The following HDAC2 variants were observed in gnomAD, a reference collection of about 807,000 sequenced individuals.
The protein encoded by HDAC2 is YY1-associated factor 1.
HDAC2 carries 5 observed loss-of-function variants against 68.5 expected under a neutral mutation model. That is an observed-to-expected ratio of 0.07 (90% confidence interval 0.04 to 0.15). The LOEUF is 0.15. Ranked by LOEUF, HDAC2 falls within the 10% of genes least tolerant of loss-of-function variation. HDAC2 has a pLI of 1.00. For synonymous variants in HDAC2, 182 were observed against 191.3 expected (o/e 0.95, Z 0.40); for missense variants, 291 against 600.8 (o/e 0.48, Z 5.39).
chr6:113,948,932 A>G, intron 8 of HDAC2, 47 bp downstream of exon 8: 1 of 1,597,928 alleles, frequency 6.3e-7, no homozygotes. Flanking sequence ...TCTTGGGTGG[A>G]AGAAAAACCA....
rs144038528 is a variant in HDAC2 at position 113,940,690 on chromosome 6, T to C, written c.*368A>G. ...TTAGCCACTGAAACAAGACTTCATA[T>C]TGTAGTAATAAACAGACAAAAGATA... On this transcript the variant is annotated 3_prime_UTR_variant, in exon 14 of 14. Transcript: ENST00000519065. 353 of 183,704 alleles carry C rather than the reference T, an allele frequency of 1.9e-3. 1 individual carries two copies. The highest frequency in any genetic ancestry group is 8.1e-3 in the African/African-American group (342 of 42,222). The allele number at this position is 183,704 out of a possible 1,614,324, so 11.4% of individuals were successfully genotyped here.
intron 10 of HDAC2, among the ~76,000 whole-genome samples, chr6:113,945,105 G>A (rs750594147): frequency 6.6e-5 from 10 of 151,386 alleles, no homozygotes; most frequent in Non-Finnish European, 1.3e-4. Flanking sequence ...GCACTTCTGA[G>A]AGGCAGAGGT....
In HDAC2 at chr6:113,943,312, T is replaced by A. The variant is rs1273210867; in HGVS notation, c.1378+39A>T. Reference sequence around the variant, plus strand: ...TTATAATGCAGCCCAATTTTTAAAATTTACAATTAAAACACAATTACCAAG... The same window carrying A: ...TTATAATGCAGCCCAATTTTTAAAAATTACAATTAAAACACAATTACCAAG... On this transcript the variant is annotated intron_variant, in intron 12 of 13. Coordinates refer to ENST00000519065, the MANE Select transcript of HDAC2 (RefSeq NM_001527.4). The A allele has an allele frequency of 1.9e-6, 3 of 1,543,488 alleles. No homozygotes were observed. The African/African-American group carries it at 4.2e-5, about 21-fold the overall frequency.
chr6:113,962,384 C>T, intron 1 of HDAC2: 1 of 910,858 alleles, frequency 1.1e-6, no homozygotes, highest in Non-Finnish European at 1.3e-6. Flanking sequence ...CTAGAAATGG[C>T]AGGGTGAAGG....
chr6:113,949,916 G>T (rs1776367404), intron 6 of HDAC2, among the ~76,000 whole-genome samples: 1 of 152,094 alleles, frequency 6.6e-6, no homozygotes, highest in Non-Finnish European at 1.5e-5. Context: ...CGAGTGGCTG[G>T]GATTACAGGC....
At chr6:113,942,992 C>T (rs1254874254) in intron 12 of HDAC2, among the ~76,000 whole-genome samples, 1 of 152,068 alleles carries the variant, frequency 6.6e-6, no homozygotes, top group Admixed American at 6.6e-5. Flanking sequence ...ATTAAATAAG[C>T]TTTAGGTAGC....
At chr6:113,950,786 G>A (rs2114600428) in intron 6 of HDAC2, among the ~76,000 whole-genome samples, 1 of 152,062 alleles carries the variant, frequency 6.6e-6, no homozygotes, top group East Asian at 1.9e-4. Context: ...ACTTGTGCAA[G>A]TTCTTCTGAA....
Position 113,958,780 on chromosome 6 carries a change from T to TAA in HDAC2, c.166-16_166-15dup, listed in dbSNP as rs1562147220. ...TTTATGGGGCCTCTGTGAAGAGAAATAAATGTCAGAACTGTGGAATTACAA... is the reference window on the plus strand; with the variant it reads ...TTTATGGGGCCTCTGTGAAGAGAAATAAAAATGTCAGAACTGTGGAATTACAA... On this transcript the variant is annotated splice_polypyrimidine_tract_variant and intron_variant, in intron 2 of 13. Transcript: ENST00000519065. 7.1e-7 allele frequency: 1 copy of TAA among 1,405,318 alleles called. No homozygotes were observed. The highest frequency in any genetic ancestry group is 1.0e-6 in the Non-Finnish European group (1 of 990,834). 87.1% of individuals were successfully genotyped at this position (1,405,318 alleles called of 1,614,324 possible). A position where few individuals can be genotyped will look rare whatever the true frequency, so the allele number is the denominator to read the frequency against.
At chr6:113,958,390 G>T in intron 3 of HDAC2, 1 of 316,098 alleles carries the variant, frequency 3.2e-6, no homozygotes, top group East Asian at 7.8e-5. Context: ...CTACCAATAT[G>T]TATTAACCCA....
intron 1 of HDAC2, chr6:113,968,341 G>A (rs1223391593): frequency 6.6e-6 from 1 of 152,072 alleles, no homozygotes; most frequent in Non-Finnish European, 1.5e-5. Flanking sequence ...TTAAAGTCAC[G>A]ATTCTTTGAT....
At position 113,944,262 on chromosome 6, in the gene HDAC2, A is replaced by T. The variant is rs375129341; in HGVS notation, c.1222+18T>A. 6.2e-6 allele frequency: 10 copies of T among 1,603,204 alleles called. No homozygotes were observed. Among genetic ancestry groups the T allele is most frequent in the Middle Eastern group, 1.7e-4 (1 of 6,060 alleles). On this transcript the variant is annotated intron_variant, in intron 11 of 13. Coordinates refer to ENST00000519065, the MANE Select transcript of HDAC2 (RefSeq NM_001527.4). ...ATTATCATTTTGACAAATTGGAAAA[A>T]TAAAGGCATTATCTTACTAGAAATT...
At chr6:113,951,775 G>A (rs1374635622) in intron 6 of HDAC2, among the ~76,000 whole-genome samples, 1 of 152,152 alleles carries the variant, frequency 6.6e-6, no homozygotes, top group African/African-American at 2.4e-5. Context: ...CCCAGCGATT[G>A]TAAAATCTTA....
Position 113,970,842 on chromosome 6 carries a change from G to A in HDAC2, c.52+15C>T, listed in dbSNP as rs1776982942. On this transcript the variant is annotated intron_variant, in intron 1 of 13. Coordinates refer to ENST00000519065, the MANE Select transcript of HDAC2 (RefSeq NM_001527.4). ...GGCCCCGCGCGCCCACCCCGACACC[G>A]GCCCGGCCGCTCACCGTCGTAGTAG... 6.5e-7 allele frequency: 1 copy of A among 1,536,244 alleles called. No homozygotes were observed. Among genetic ancestry groups the A allele is most frequent in the African/African-American group, 1.4e-5 (1 of 72,584 alleles).
rs372964479 is a variant in HDAC2, at chr6:113,953,526, T to A, written c.498-108A>T. On this transcript the variant is annotated intron_variant, in intron 5 of 13. Transcript: ENST00000519065. The stretch of plus-strand genomic sequence containing the variant: ...TTTGAGCTCTTGCATTCCAGAATGT[T>A]TAATCACCTTTTACATTCAGCCTAA... 4 of 641,874 alleles carry A rather than the reference T, an allele frequency of 6.2e-6. No individual in the cohort carries two copies. The African/African-American group carries it at 7.3e-5, about 12-fold the overall frequency. The allele number at this position is 641,874 out of a possible 1,614,324, so 39.8% of individuals were successfully genotyped here.
At chr6:113,946,269 A>T in intron 8 of HDAC2, 121 bp from the exon 9 acceptor site, 1 of 684,938 alleles carries the variant, frequency 1.5e-6, no homozygotes, top group Non-Finnish European at 2.4e-6. Flanking sequence ...TAAATATTTT[A>T]AAAACAAATA....
At chr6:113,966,556 C>CAAAA (rs57345054) in intron 1 of HDAC2, among the ~76,000 whole-genome samples, 1 of 107,358 alleles carries the variant, frequency 9.3e-6, no homozygotes, top group Admixed American at 9.8e-5. Flanking sequence ...AATTCCATCT[C>CAAAA]AAAAAAAAAA....
chr6:113,954,329 T>C (rs1320296194), intron 5 of HDAC2, among the ~76,000 whole-genome samples: 3 of 152,200 alleles, frequency 2.0e-5, no homozygotes, highest in Non-Finnish European at 4.4e-5. Flanking sequence ...TAAGCACTCA[T>C]AAGAATATTC....
At chr6:113,970,326 A>C in intron 1 of HDAC2, 11 of 331,738 alleles carry the variant, frequency 3.3e-5, no homozygotes, top group Non-Finnish European at 3.9e-5. Flanking sequence ...AACGCAGGGT[A>C]GGGGAGGCGA....
intron 11 of HDAC2, 90 bp from the exon 12 acceptor site, chr6:113,943,596 A>G: frequency 1.1e-6 from 1 of 891,230 alleles, no homozygotes; most frequent in Non-Finnish European, 1.6e-6. Flanking sequence ...CTAAGCAGTT[A>G]GTTACCACAT....
Sources: gnomAD v4.1 joint callset for allele counts (sites outside exome capture counted in the v4.1 genomes callset) on GRCh38, gnomAD v4.1.1 for gene constraint, MANE v1.5 for transcripts, NCBI Gene and HGNC (gene_info 2026-07-23, HGNC 2026-07-21) for gene names.